Variants in ARHGAP10 observed in about 807,000 individuals in gnomAD.
ARHGAP10 encodes rho GTPase-activating protein 10.
Under a neutral mutation model 108.6 loss-of-function variants are expected in ARHGAP10, and 87 were observed. The ratio of observed to expected loss-of-function variants is 0.80; its 90% CI spans 0.67 to 0.96. The LOEUF is 0.96. Among genes scored for constraint, ARHGAP10 ranks in the 40% least tolerant of loss-of-function variants. ARHGAP10 has a pLI of 0.00. For missense variants in ARHGAP10, 939 were observed against 954.5 expected, an observed-to-expected ratio of 0.98 and a Z score of 0.21; for synonymous variants, 347 against 341.1, an observed-to-expected ratio of 1.02 and a Z score of -0.19.
chr4:147,899,659 A>G (rs1413350234), intron 10 of ARHGAP10, among the ~76,000 whole-genome samples: 1 of 152,112 alleles, frequency 6.6e-6, no homozygotes, highest in Non-Finnish European at 1.5e-5. Flanking sequence ...TGAACAGAAG[A>G]AAGAAGTTAC....
chr4:148,017,680 A>ATATATATATATATGAG lies in ARHGAP10; in HGVS notation c.1717-5580_1717-5579insATATATATATGAGTAT, dbSNP rs11281620. 1.4e-3 allele frequency among the ~76,000 whole-genome samples: 197 copies of ATATATATATATATGAG among 141,426 alleles called. 4 individuals carry two copies. The highest frequency in any genetic ancestry group is 3.6e-3 in the African/African-American group (132 of 36,564). The allele number at this position is 141,426 out of a possible 152,430, so 92.8% of individuals were successfully genotyped here. On this transcript the variant is annotated intron_variant, in intron 18 of 22. Coordinates refer to ENST00000336498, the MANE Select transcript of ARHGAP10 (RefSeq NM_024605.4). ...TATATATATATATATATATATATAT[A>ATATATATATATATGAG]TATGTGTGTGTATGTAAAGGAATTC...
At chr4:147,863,022 A>AT (rs1265227497) in intron 5 of ARHGAP10, 1 of 152,264 alleles carries the variant, frequency 6.6e-6, no homozygotes, top group Non-Finnish European at 1.5e-5. Flanking sequence ...TTTTTATTAC[A>AT]TTTTGAAATG....
intron 18 of ARHGAP10, among the ~76,000 whole-genome samples, chr4:147,980,370 C>T (rs1739767195): frequency 6.6e-6 from 1 of 152,184 alleles, no homozygotes; most frequent in Non-Finnish European, 1.5e-5. Flanking sequence ...ACCACTGCTA[C>T]ATCCCAGGAA....
chr4:147,808,338 T>TC (rs1373639667), intron 1 of ARHGAP10, among the ~76,000 whole-genome samples: 1 of 151,864 alleles, frequency 6.6e-6, no homozygotes, highest in Non-Finnish European at 1.5e-5. Flanking sequence ...TTTTTTTTTT[T>TC]CCAGGAACAG....
chr4:147,928,516 G>A (rs971192571), intron 13 of ARHGAP10, among the ~76,000 whole-genome samples: 9 of 152,160 alleles, frequency 5.9e-5, no homozygotes, highest in African/African-American at 4.8e-5. Flanking sequence ...AGGAGAAGGC[G>A]AACATGCCAG....
At chr4:147,793,715 G>A (rs529531337) in intron 1 of ARHGAP10, among the ~76,000 whole-genome samples, 13 of 152,242 alleles carry the variant, frequency 8.5e-5, no homozygotes, top group Admixed American at 2.0e-4. Flanking sequence ...AACATAATGC[G>A]GAGCCATGGA....
chr4:147,824,467 T>C (rs1732625795), intron 3 of ARHGAP10, among the ~76,000 whole-genome samples: 1 of 152,212 alleles, frequency 6.6e-6, no homozygotes, highest in Non-Finnish European at 1.5e-5. Flanking sequence ...ACCTTGACTG[T>C]GTGCCAGTGC....
intron 10 of ARHGAP10, among the ~76,000 whole-genome samples, chr4:147,894,811 CCTT>C (rs1351695746): frequency 6.6e-6 from 1 of 152,090 alleles, no homozygotes; most frequent in East Asian, 1.9e-4. Context: ...TGTTTTGGCA[CCTT>C]CTAAAAAATC....
At chr4:147,782,431 A>C (rs1319163968) in intron 1 of ARHGAP10, among the ~76,000 whole-genome samples, 1 of 152,094 alleles carries the variant, frequency 6.6e-6, no homozygotes, top group East Asian at 1.9e-4. Flanking sequence ...TGAGTCATTT[A>C]CTAGTTAGAG....
intron 18 of ARHGAP10, among the ~76,000 whole-genome samples, chr4:147,978,314 T>C (rs904725547): frequency 6.6e-6 from 1 of 152,176 alleles, no homozygotes; most frequent in Non-Finnish European, 1.5e-5. Flanking sequence ...TCCCTTTTTT[T>C]CCCACAACCT....
chr4:147,943,349 T>C (rs1355995022), intron 14 of ARHGAP10, among the ~76,000 whole-genome samples: 2 of 152,236 alleles, frequency 1.3e-5, no homozygotes, highest in Admixed American at 1.3e-4. Flanking sequence ...ACCATTACCT[T>C]GTTTCCTTTG....
chr4:147,996,786 A>AT (rs1259217298), intron 18 of ARHGAP10, among the ~76,000 whole-genome samples: 3 of 152,204 alleles, frequency 2.0e-5, no homozygotes, highest in Non-Finnish European at 2.9e-5. Flanking sequence ...AAATGAGGTC[A>AT]TGAAGGTGGG....
intron 15 of ARHGAP10, among the ~76,000 whole-genome samples, chr4:147,954,625 C>A (rs1170629113): frequency 6.6e-6 from 1 of 151,936 alleles, no homozygotes; most frequent in East Asian, 1.9e-4. Context: ...CAGACCGACA[C>A]TTGTCTAGGT....
chr4:147,733,669 T>G (rs1036129622), intron 1 of ARHGAP10, among the ~76,000 whole-genome samples: 10 of 152,216 alleles, frequency 6.6e-5, no homozygotes, highest in Non-Finnish European at 1.5e-4. Context: ...TTGATTATAC[T>G]GTCTCGGGCA....
chr4:147,821,841 A>G (rs1732508480), intron 1 of ARHGAP10, among the ~76,000 whole-genome samples: 1 of 152,278 alleles, frequency 6.6e-6, no homozygotes, highest in Non-Finnish European at 1.5e-5. Flanking sequence ...AACCAGAGGC[A>G]GGATTGTATA....
chr4:147,808,007 A>G (rs1259726657), intron 1 of ARHGAP10, among the ~76,000 whole-genome samples: 1 of 152,250 alleles, frequency 6.6e-6, no homozygotes, highest in African/African-American at 2.4e-5. Context: ...CTTTATAGGC[A>G]TGTGGATCTT....
chr4:147,878,873 T>C (rs1454976993), intron 8 of ARHGAP10, among the ~76,000 whole-genome samples: 1 of 147,854 alleles, frequency 6.8e-6, no homozygotes, highest in East Asian at 2.0e-4. Context: ...GCCTCTTGGG[T>C]TCACACCATT....
In ARHGAP10 at chr4:147,916,339, A is replaced by G. The variant is rs546505478; in HGVS notation, c.1228+3200A>G. ...TTATTGGAACATAAACATAAACTCA[A>G]AAGACTACTGTGACAATACTTACTA... On this transcript the variant is annotated intron_variant, in intron 13 of 22. Transcript: ENST00000336498. Among the ~76,000 whole-genome samples the G allele has an allele frequency of 3.9e-5, 6 of 152,348 alleles. No homozygotes were observed. In the South Asian group the frequency reaches 1.2e-3, roughly 32 times the overall value.
At chr4:147,761,201 G>T (rs1399790967) in intron 1 of ARHGAP10, among the ~76,000 whole-genome samples, 1 of 151,844 alleles carries the variant, frequency 6.6e-6, no homozygotes, top group African/African-American at 2.4e-5. Context: ...ATTTTTTGTA[G>T]AGACAGGGTC....
Sources: allele counts gnomAD v4.1 joint callset (sites outside exome capture counted in the v4.1 genomes callset), GRCh38; gene constraint gnomAD v4.1.1; transcripts MANE v1.5; gene names NCBI Gene and HGNC (gene_info 2026-07-23, HGNC 2026-07-21).